The following ASB3 variants were observed in gnomAD, a reference collection of about 807,000 sequenced individuals.
ASB3 encodes ankyrin repeat and SOCS box containing 3.
ASB3 carries 41 observed loss-of-function variants against 54.5 expected under a neutral mutation model. The ratio of observed to expected loss-of-function variants is 0.75; its 90% CI spans 0.59 to 0.98. ASB3 has a LOEUF of 0.98. Ranked by LOEUF, ASB3 falls within the 50% of genes least tolerant of loss-of-function variation. ASB3 has a pLI of 0.00. For missense variants in ASB3, 733 were observed against 620.0 expected (o/e 1.18, Z -1.94); for synonymous variants, 266 against 221.2 (o/e 1.20, Z -1.80).
Position 53,670,545 on chromosome 2 carries a change from C to T in ASB3, c.1515G>A (p.Arg505=). 1 of 1,613,888 alleles carries T rather than the reference C, an allele frequency of 6.2e-7. No homozygotes were observed. The highest frequency in any genetic ancestry group is 1.1e-5 in the South Asian group (1 of 91,050). ...HNYLLYEDVL[R]MYEVPELAAI... is the part of the protein sequence containing the mutation. Reference sequence around the variant, plus strand: ...CTGCCAGTTCTGGAACTTCATACATCCTCAGAACGTCTTCATAGAGCAAAT... The same window carrying T: ...CTGCCAGTTCTGGAACTTCATACATTCTCAGAACGTCTTCATAGAGCAAAT... The change falls in exon 10 of 10, where the codon AGG becomes AGA. Residue 505 remains arginine (R), a synonymous_variant. Coordinates refer to ENST00000263634, the MANE Select transcript of ASB3 (RefSeq NM_016115.5).
At chr2:53,752,041 G>A (rs1359629594) in intron 2 of ASB3, among the ~76,000 whole-genome samples, 1 of 152,168 alleles carries the variant, frequency 6.6e-6, no homozygotes, top group Non-Finnish European at 1.5e-5. Flanking sequence ...GAATACAAAT[G>A]ACATGAAAAC....
intron 9 of ASB3, among the ~76,000 whole-genome samples, chr2:53,691,566 G>A (rs1668911694): frequency 6.6e-6 from 1 of 152,124 alleles, no homozygotes; most frequent in South Asian, 2.1e-4. Flanking sequence ...GAGTTGTCCT[G>A]CTGGGTTTGA....
intron 9 of ASB3, among the ~76,000 whole-genome samples, chr2:53,673,681 T>C (rs753041783): frequency 2.0e-4 from 30 of 152,342 alleles, no homozygotes; most frequent in Non-Finnish European, 4.1e-4. Context: ...AGTCCAGGGT[T>C]CTTTAAACTA....
intron 5 of ASB3, among the ~76,000 whole-genome samples, chr2:53,726,982 A>T (rs1031317207): frequency 6.6e-6 from 1 of 152,172 alleles, no homozygotes; most frequent in African/African-American, 2.4e-5. Context: ...GCTAAACACT[A>T]ATAATTGAAA....
intron 7 of ASB3, among the ~76,000 whole-genome samples, chr2:53,712,235 TA>T (rs1670140669): frequency 6.6e-6 from 1 of 151,824 alleles, no homozygotes; most frequent in South Asian, 2.1e-4. Context: ...AAAAATACAT[TA>T]AAAACGCTTC....
intron 5 of ASB3, 108 bp downstream of exon 5, chr2:53,728,604 C>T (rs77366072): frequency 0.046 from 60,928 of 1,333,168 alleles, 2,839 homozygotes; most frequent in East Asian, 0.25. Context: ...TTACATAAAA[C>T]CATAAATTTC....
chr2:53,731,343 A>G (rs898267132), intron 3 of ASB3, among the ~76,000 whole-genome samples: 1 of 152,116 alleles, frequency 6.6e-6, no homozygotes, highest in Non-Finnish European at 1.5e-5. Context: ...TGGAGGTTGC[A>G]CTGCACTCCA....
intron 5 of ASB3, among the ~76,000 whole-genome samples, chr2:53,724,022 G>A (rs1030174423): frequency 3.9e-5 from 6 of 151,968 alleles, no homozygotes; most frequent in African/African-American, 7.3e-5. Flanking sequence ...TCTGGACATC[G>A]GCCCTGAGAA....
chr2:53,733,071 C>T (rs1294747619), intron 3 of ASB3, among the ~76,000 whole-genome samples: 4 of 152,174 alleles, frequency 2.6e-5, no homozygotes, highest in African/African-American at 9.7e-5. Flanking sequence ...ACTTCACAGT[C>T]TTTTCTAAGA....
At chr2:53,769,862 A>C (rs1673772702) in intron 1 of ASB3, among the ~76,000 whole-genome samples, 1 of 152,212 alleles carries the variant, frequency 6.6e-6, no homozygotes, top group African/African-American at 2.4e-5. Context: ...GAGCTAAAAA[A>C]AGGTGTCTTT....
At chr2:53,702,636 T>C (rs1669553300) in intron 7 of ASB3, among the ~76,000 whole-genome samples, 1 of 152,126 alleles carries the variant, frequency 6.6e-6, no homozygotes, top group African/African-American at 2.4e-5. Context: ...GTGAACAACA[T>C]CAGATACTGA....
chr2:53,746,723 G>A (rs566285349), intron 3 of ASB3, among the ~76,000 whole-genome samples: 3 of 151,942 alleles, frequency 2.0e-5, no homozygotes, highest in Admixed American at 1.3e-4. Flanking sequence ...CAGGTGATCC[G>A]CCCGCCTCGG....
chr2:53,703,073 A>G (rs1460793586), intron 7 of ASB3, among the ~76,000 whole-genome samples: 1 of 152,234 alleles, frequency 6.6e-6, no homozygotes, highest in African/African-American at 2.4e-5. Context: ...AACAGACAAA[A>G]CCAGGTGAGC....
chr2:53,718,260 A>G (rs1416008424), intron 5 of ASB3, among the ~76,000 whole-genome samples: 1 of 150,316 alleles, frequency 6.7e-6, no homozygotes, highest in Non-Finnish European at 1.5e-5. Flanking sequence ...CTAAAGAAAA[A>G]ATCTTACAGG....
At chr2:53,698,331 C>T (rs1418679559) in intron 8 of ASB3, among the ~76,000 whole-genome samples, 1 of 152,178 alleles carries the variant, frequency 6.6e-6, no homozygotes, top group Non-Finnish European at 1.5e-5. Context: ...TTGTACAAAT[C>T]TGCTCAGCAA....
chr2:53,747,780 G>A (rs1183598406), intron 3 of ASB3, among the ~76,000 whole-genome samples: 2 of 152,166 alleles, frequency 1.3e-5, no homozygotes, highest in Non-Finnish European at 2.9e-5. Flanking sequence ...TAATTAACTG[G>A]AGTCAGTGAT....
intron 7 of ASB3, among the ~76,000 whole-genome samples, chr2:53,700,771 T>C (rs1374365151): frequency 1.3e-5 from 2 of 152,110 alleles, no homozygotes; most frequent in African/African-American, 2.4e-5. Context: ...AAAACATTCA[T>C]CTTAAATGTC....
At chr2:53,676,000 T>A (rs1023965942) in intron 9 of ASB3, among the ~76,000 whole-genome samples, 1 of 152,162 alleles carries the variant, frequency 6.6e-6, no homozygotes, top group African/African-American at 2.4e-5. Context: ...ACAAAATACA[T>A]GGTAGGTTGC....
At chr2:53,737,794 C>T (rs956274457) in intron 3 of ASB3, among the ~76,000 whole-genome samples, 1 of 149,302 alleles carries the variant, frequency 6.7e-6, no homozygotes, top group Non-Finnish European at 1.5e-5. Flanking sequence ...TTCGAGAACA[C>T]TTTGAATATC....
Sources: gnomAD v4.1 joint callset for allele counts (sites outside exome capture counted in the v4.1 genomes callset) on GRCh38, gnomAD v4.1.1 for gene constraint, MANE v1.5 for transcripts, NCBI Gene and HGNC (gene_info 2026-07-23, HGNC 2026-07-21) for gene names.